Variants in SUPT3H observed in about 807,000 individuals in gnomAD.
SUPT3H encodes SPT3 homolog, SAGA and STAGA complex component, also known as transcription initiation protein SPT3 homolog.
Under a neutral mutation model 44.3 loss-of-function variants are expected in SUPT3H, and 44 were observed. The ratio of observed to expected loss-of-function variants is 0.99; its 90% CI spans 0.78 to 1.28. SUPT3H has a LOEUF of 1.28. SUPT3H is among the 50% of genes most tolerant of loss of function. The pLI is 0.00. For missense variants in SUPT3H, 380 were observed against 387.1 expected (o/e 0.98, Z 0.15); for synonymous variants, 124 against 125.6 (o/e 0.99, Z 0.09).
intron 3 of SUPT3H, among the ~76,000 whole-genome samples, chr6:45,094,039 A>G (rs1466539807): frequency 1.3e-5 from 2 of 152,208 alleles, no homozygotes; most frequent in East Asian, 3.9e-4. Flanking sequence ...ACACAATTTC[A>G]AGATGGCGCA....
Position 44,829,608 on chromosome 6 carries a change from A to G in SUPT3H, c.*208T>C. ...TACAGACTATCCTAAACATCCTGCCATTAATTAGCTGAACAGCCCATCTAG... is the reference window on the plus strand; with the variant it reads ...TACAGACTATCCTAAACATCCTGCCGTTAATTAGCTGAACAGCCCATCTAG... On this transcript the variant is annotated 3_prime_UTR_variant, in exon 11 of 11. Transcript: ENST00000371459. The G allele has an allele frequency of 1.8e-6, 1 of 557,180 alleles. No individual in the cohort carries two copies. Among genetic ancestry groups the G allele is most frequent in the Non-Finnish European group, 3.2e-6 (1 of 310,370 alleles). The allele number at this position is 557,180 out of a possible 1,614,324, so 34.5% of individuals were successfully genotyped here. A position where few individuals can be genotyped will look rare whatever the true frequency, so the allele number is the denominator to read the frequency against.
At chr6:44,867,492 A>G (rs908253120) in intron 10 of SUPT3H, among the ~76,000 whole-genome samples, 2 of 152,154 alleles carry the variant, frequency 1.3e-5, no homozygotes, top group Non-Finnish European at 2.9e-5. Flanking sequence ...TCTACTATAG[A>G]TATGATTGAT....
intron 6 of SUPT3H, among the ~76,000 whole-genome samples, chr6:44,979,477 C>A (rs1033035639): frequency 6.6e-6 from 1 of 152,076 alleles, no homozygotes; most frequent in Non-Finnish European, 1.5e-5. Context: ...ACAAAATACT[C>A]TTTCAATACA....
chr6:45,197,118 A>G (rs1395415018), intron 2 of SUPT3H, among the ~76,000 whole-genome samples: 1 of 151,716 alleles, frequency 6.6e-6, no homozygotes, highest in Non-Finnish European at 1.5e-5. Context: ...TCATTTTAAT[A>G]TTAAAATTGC....
At chr6:45,127,596 C>T (rs1448989643) in intron 2 of SUPT3H, among the ~76,000 whole-genome samples, 1 of 152,146 alleles carries the variant, frequency 6.6e-6, no homozygotes, top group Non-Finnish European at 1.5e-5. Flanking sequence ...AACACACACT[C>T]ATAATTTATG....
chr6:45,200,343 A>T (rs1161863975), intron 2 of SUPT3H, among the ~76,000 whole-genome samples: 3 of 150,788 alleles, frequency 2.0e-5, no homozygotes, highest in African/African-American at 7.4e-5. Context: ...GTTACCATTA[A>T]ATGAAAGTTA....
chr6:45,357,164 G>A (rs1485482828), intron 2 of SUPT3H, among the ~76,000 whole-genome samples: 1 of 151,760 alleles, frequency 6.6e-6, no homozygotes, highest in Non-Finnish European at 1.5e-5. Flanking sequence ...CCGCCACCAA[G>A]CCTGGCTAAT....
chr6:45,129,073 G>C (rs1802997361), intron 2 of SUPT3H, among the ~76,000 whole-genome samples: 1 of 152,132 alleles, frequency 6.6e-6, no homozygotes, highest in African/African-American at 2.4e-5. Flanking sequence ...TTTTAAAAAA[G>C]AAAAAGATGA....
At chr6:45,243,532 T>C (rs1770783105) in intron 2 of SUPT3H, among the ~76,000 whole-genome samples, 2 of 152,058 alleles carry the variant, frequency 1.3e-5, no homozygotes, top group Non-Finnish European at 2.9e-5. Context: ...AAATTATGAA[T>C]CTCATTAATA....
At chr6:45,376,197 G>A (rs1220538085) in intron 1 of SUPT3H, among the ~76,000 whole-genome samples, 4 of 152,200 alleles carry the variant, frequency 2.6e-5, no homozygotes, top group Non-Finnish European at 5.9e-5. Flanking sequence ...TTGTCAAGAT[G>A]TAAATAAGTA....
At chr6:45,100,541 TAAAAAA>T (rs58120512) in intron 3 of SUPT3H, among the ~76,000 whole-genome samples, 472 of 33,470 alleles carry the variant, frequency 0.014, 13 homozygotes, top group African/African-American at 0.079. Context: ...ACCCTGTACT[TAAAAAA>T]AAAAAAAAAA....
At position 44,827,569 on chromosome 6, in the gene SUPT3H, CATT is replaced by C. The variant is rs754792269; in HGVS notation, c.*2244_*2246del. Among the ~76,000 whole-genome samples, 70 of 152,170 alleles carry C rather than the reference CATT, an allele frequency of 4.6e-4. No individual in the cohort carries two copies. Among genetic ancestry groups the C allele is most frequent in the Admixed American group, 8.5e-4 (13 of 15,262 alleles). On this transcript the variant is annotated 3_prime_UTR_variant, in exon 11 of 11. Transcript: ENST00000371459. Reference sequence around the variant, plus strand: ...TCTCTAAGACTATCTTCTGCTCTAACATTATGATTATTGAGAAAATAATTTACT... The same window carrying C: ...TCTCTAAGACTATCTTCTGCTCTAACATGATTATTGAGAAAATAATTTACT...
At chr6:45,368,684 G>A (rs1795549292) in intron 1 of SUPT3H, among the ~76,000 whole-genome samples, 1 of 152,108 alleles carries the variant, frequency 6.6e-6, no homozygotes, top group African/African-American at 2.4e-5. Context: ...TCCACTAAAA[G>A]AGAGAAGTTT....
rs191559806 is a variant in SUPT3H, at chr6:45,281,148, T to C, written c.101+84053A>G. ...TGGCCGAATAGGAACAGCTCCAGTC[T>C]ACAGCTCCCAGCATGAGCAATGCAG... On this transcript the variant is annotated intron_variant, in intron 2 of 10. Coordinates refer to ENST00000371459, the MANE Select transcript of SUPT3H (RefSeq NM_003599.4). 1.8e-3 allele frequency among the ~76,000 whole-genome samples: 268 copies of C among 152,340 alleles called. 3 individuals carry two copies. The highest frequency in any genetic ancestry group is 6.3e-3 in the African/African-American group (262 of 41,578).
At chr6:45,114,059 T>C (rs1322373994) in intron 2 of SUPT3H, among the ~76,000 whole-genome samples, 1 of 151,962 alleles carries the variant, frequency 6.6e-6, no homozygotes, top group East Asian at 1.9e-4. Context: ...TTAAATTATT[T>C]ATGATATAAA....
intron 1 of SUPT3H, among the ~76,000 whole-genome samples, chr6:45,376,893 A>T (rs1395004481): frequency 6.6e-6 from 1 of 152,206 alleles, no homozygotes; most frequent in Non-Finnish European, 1.5e-5. Flanking sequence ...ATACACACAT[A>T]TGTATATACA....
At chr6:45,102,405 T>TG (rs35548001) in intron 3 of SUPT3H, among the ~76,000 whole-genome samples, 1 of 151,998 alleles carries the variant, frequency 6.6e-6, no homozygotes, top group African/African-American at 2.4e-5. Context: ...GTCTACAATA[T>TG]GGGGGAGAAA....
At chr6:45,007,950 T>C (rs1018723269) in intron 5 of SUPT3H, among the ~76,000 whole-genome samples, 8 of 152,136 alleles carry the variant, frequency 5.3e-5, no homozygotes, top group African/African-American at 1.7e-4. Context: ...GTCTTTGTGA[T>C]TGGTTTCTTT....
At chr6:44,959,615 A>G (rs887480416) in intron 7 of SUPT3H, among the ~76,000 whole-genome samples, 2 of 152,134 alleles carry the variant, frequency 1.3e-5, no homozygotes, top group African/African-American at 2.4e-5. Flanking sequence ...TTGTGTGTCA[A>G]TATTAATATC....
Sources: gnomAD v4.1 joint callset for allele counts (sites outside exome capture counted in the v4.1 genomes callset) on GRCh38, gnomAD v4.1.1 for gene constraint, MANE v1.5 for transcripts, NCBI Gene and HGNC (gene_info 2026-07-23, HGNC 2026-07-21) for gene names.